Variants in TTC23 observed in about 807,000 individuals in gnomAD.
The protein encoded by TTC23 is tetratricopeptide repeat domain 23, also known as tetratricopeptide repeat protein 23.
Under a neutral mutation model 55.1 loss-of-function variants are expected in TTC23, and 58 were observed. The ratio of observed to expected loss-of-function variants is 1.05; its 90% confidence interval spans 0.85 to 1.31. TTC23 has a LOEUF of 1.31. Ranked by LOEUF, TTC23 falls within the 50% of genes most tolerant of loss-of-function variation. The pLI, the probability that TTC23 is intolerant of heterozygous loss-of-function variation, is 0.00. For synonymous variants in TTC23, 203 were observed against 199.9 expected, an observed-to-expected ratio of 1.02 and a Z score of -0.13; for missense variants, 516 against 534.4, an observed-to-expected ratio of 0.97 and a Z score of 0.34.
intron 1 of TTC23, chr15:99,248,453 G>T (rs1033845045): frequency 6.6e-6 from 1 of 152,180 alleles, no homozygotes; most frequent in Non-Finnish European, 1.5e-5. Flanking sequence ...CAGGCTGCAT[G>T]TATTTGCTAA....
At position 99,171,886 on chromosome 15, in the gene TTC23, C is replaced by T. The variant is rs73463312; in HGVS notation, c.865+3164G>A. On this transcript the variant is annotated intron_variant, in intron 10 of 13. Transcript: ENST00000394132. ...GGCCCGGCCTCTCAGTCGTCTTTTGCTTCTGCTTCAAGCAACCAATCCTCC... is the reference window on the plus strand; with the variant it reads ...GGCCCGGCCTCTCAGTCGTCTTTTGTTTCTGCTTCAAGCAACCAATCCTCC... Among the ~76,000 whole-genome samples the T allele has an allele frequency of 9.8e-3, 1,488 of 152,020 alleles. 35 individuals are homozygous for T. Among genetic ancestry groups the T allele is most frequent in the African/African-American group, 0.034 (1,412 of 41,482 alleles).
chr15:99,166,295 C>T (rs578121905), intron 10 of TTC23, among the ~76,000 whole-genome samples: 35 of 152,214 alleles, frequency 2.3e-4, no homozygotes, highest in African/African-American at 8.0e-4. Context: ...CCCCTAACTG[C>T]CCCGAAAAGC....
chr15:99,231,012 T>C (rs900033273), intron 4 of TTC23, among the ~76,000 whole-genome samples: 2 of 152,202 alleles, frequency 1.3e-5, no homozygotes, highest in African/African-American at 2.4e-5. Context: ...ATAAAGGTAG[T>C]CCCATAAAAT....
At chr15:99,154,502 TTC>T (rs1231299686) in intron 12 of TTC23, among the ~76,000 whole-genome samples, 3 of 152,164 alleles carry the variant, frequency 2.0e-5, no homozygotes, top group Non-Finnish European at 4.4e-5. Flanking sequence ...TGGCCTCCTT[TTC>T]TCTCTCTCAT....
intron 9 of TTC23, among the ~76,000 whole-genome samples, chr15:99,185,196 G>A (rs940664575): frequency 2.0e-5 from 3 of 152,170 alleles, no homozygotes; most frequent in Non-Finnish European, 4.4e-5. Flanking sequence ...CAAAAGGCTA[G>A]TATTAATATT....
Position 99,218,981 on chromosome 15 carries a change from A to G in TTC23, c.372T>C (p.Pro124=), listed in dbSNP as rs1173251517. The G allele has an allele frequency of 6.2e-7, 1 of 1,614,108 alleles. No homozygotes were observed. Among genetic ancestry groups the G allele is most frequent in the East Asian group, 2.2e-5 (1 of 44,902 alleles). The change falls in exon 7 of 14, where the codon CCT becomes CCC. Residue 124 remains proline (P), a synonymous_variant. Coordinates refer to ENST00000394132, the MANE Select transcript of TTC23 (RefSeq NM_001288615.3). The part of the protein sequence containing the change: ...ARQILANSIV[P]PYSENTDVFK... ...AAACATCTGTATTCTCACTATAGGG[A>G]GGCACAATGGAGTTGGCGAGGATTT...
intron 1 of TTC23, among the ~76,000 whole-genome samples, chr15:99,246,820 T>C (rs2080286352): frequency 1.3e-5 from 2 of 152,060 alleles, no homozygotes; most frequent in South Asian, 4.1e-4. Context: ...CTCGGGAGGC[T>C]GAGGCAGAAG....
chr15:99,211,387 C>A (rs35150617), intron 8 of TTC23, among the ~76,000 whole-genome samples: 24,462 of 149,244 alleles, frequency 0.16, 2,157 homozygotes, highest in African/African-American at 0.23. Flanking sequence ...AACAAACAAA[C>A]AAAAAAAAAG....
chr15:99,231,774 T>C (rs1201279625), intron 4 of TTC23, among the ~76,000 whole-genome samples: 1 of 150,350 alleles, frequency 6.7e-6, no homozygotes, highest in African/African-American at 2.5e-5. Flanking sequence ...TTACGGGCAT[T>C]AGCCACTGCG....
At chr15:99,233,333 G>C (rs1488086335) in intron 4 of TTC23, among the ~76,000 whole-genome samples, 1 of 152,112 alleles carries the variant, frequency 6.6e-6, no homozygotes, top group South Asian at 2.1e-4. Flanking sequence ...ACAAATAAAA[G>C]AATGAGAGAG....
At chr15:99,206,252 G>C (rs2076618938) in intron 8 of TTC23, among the ~76,000 whole-genome samples, 1 of 152,102 alleles carries the variant, frequency 6.6e-6, no homozygotes, top group South Asian at 2.1e-4. Context: ...ATTCATCAGA[G>C]ATATTGGCCC....
At chr15:99,219,107 A>G (rs2077705035) in intron 6 of TTC23, 59 bp from the exon 7 acceptor site, 1 of 1,580,496 alleles carries the variant, frequency 6.3e-7, no homozygotes, top group Non-Finnish European at 8.6e-7. Context: ...ACAGGAATAC[A>G]GTTCCTTATG....
At chr15:99,169,190 G>A (rs143003817) in intron 10 of TTC23, among the ~76,000 whole-genome samples, 44 of 152,282 alleles carry the variant, frequency 2.9e-4, no homozygotes, top group African/African-American at 9.6e-4. Flanking sequence ...GGAGCTCAAA[G>A]GCAAGGCCAA....
At chr15:99,161,999 T>C in intron 10 of TTC23, 132 bp from the exon 11 acceptor site, 2 of 886,402 alleles carry the variant, frequency 2.3e-6, no homozygotes, top group Non-Finnish European at 3.2e-6. Flanking sequence ...GTTAAGACTG[T>C]CCTTTGCCCA....
intron 13 of TTC23, among the ~76,000 whole-genome samples, 197 bp from the exon 14 acceptor site, chr15:99,138,324 T>G (rs2067781729): frequency 6.6e-6 from 1 of 152,030 alleles, no homozygotes; most frequent in African/African-American, 2.4e-5. Context: ...TTTTAATTTT[T>G]TTTTTTTCAG....
intron 12 of TTC23, chr15:99,151,422 A>C (rs1324651160): frequency 6.6e-6 from 1 of 152,164 alleles, no homozygotes; most frequent in African/African-American, 2.4e-5. Flanking sequence ...AGAAAGTAAA[A>C]CTCTGGAGTG....
intron 9 of TTC23, among the ~76,000 whole-genome samples, chr15:99,176,435 A>T (rs751992153): frequency 4.6e-5 from 7 of 152,016 alleles, no homozygotes; most frequent in Non-Finnish European, 8.8e-5. Flanking sequence ...ACATGGTGAA[A>T]CCCTGTCTCT....
At chr15:99,197,552 T>C (rs117178338) in intron 9 of TTC23, among the ~76,000 whole-genome samples, 6,121 of 152,006 alleles carry the variant, frequency 0.04, 165 homozygotes, top group Non-Finnish European at 0.061. Flanking sequence ...GCTAAGCTCT[T>C]TACAAACTTA....
intron 12 of TTC23, among the ~76,000 whole-genome samples, chr15:99,150,903 A>G (rs781880354): frequency 1.8e-4 from 27 of 152,086 alleles, no homozygotes; most frequent in Admixed American, 1.6e-3. Context: ...TGTTCCTTAG[A>G]TGTACTTTGC....
Sources: gnomAD v4.1 joint callset for allele counts (sites outside exome capture counted in the v4.1 genomes callset) on GRCh38, gnomAD v4.1.1 for gene constraint, MANE v1.5 for transcripts, NCBI Gene and HGNC (gene_info 2026-07-23, HGNC 2026-07-21) for gene names.